Variants in PGR observed in about 807,000 individuals in gnomAD.
The protein encoded by PGR is nuclear receptor subfamily 3 group C member 3.
PGR carries 25 observed loss-of-function variants against 76.1 expected under a neutral mutation model. The ratio of observed to expected loss-of-function variants is 0.33; its 90% CI spans 0.24 to 0.46. The LOEUF is 0.46. Among genes scored for constraint, PGR ranks in the 20% least tolerant of loss-of-function variants. The probability of loss-of-function intolerance (pLI) is 1.00; values close to 1 mark genes in which losing one functional copy is unlikely to be tolerated. For synonymous variants in PGR, 579 were observed against 535.0 expected (o/e 1.08, Z -1.14); for missense variants, 1,172 against 1,225.3 (o/e 0.96, Z 0.65).
intron 2 of PGR, among the ~76,000 whole-genome samples, chr11:101,102,917 T>A (rs1276420024): frequency 1.3e-5 from 2 of 151,678 alleles, no homozygotes; most frequent in African/African-American, 4.8e-5. Context: ...CACTTCAGAT[T>A]ATCAGGCATT....
In PGR at chr11:101,127,793, C is replaced by T. The variant is rs745952256; in HGVS notation, c.1278G>A (p.Pro426=). The T allele has an allele frequency of 3.2e-5, 50 of 1,565,256 alleles. 2 individuals carry two copies. Among genetic ancestry groups the T allele is most frequent in the South Asian group, 2.8e-4 (24 of 87,040 alleles). The change falls in exon 1 of 8, where the codon CCG becomes CCA. Residue 426 remains proline (P), a synonymous_variant. Transcript: ENST00000325455. The part of the protein sequence containing the change: ...DFPLGPPPPL[P]PRATPSRPGE... ...CGGGTCTGGATGGGGTCGCTCGCGG[C>T]GGCAGCGGGGGCGGTGGCCCCAACG...
chr11:101,054,638 G>C (rs1860225968), intron 4 of PGR, among the ~76,000 whole-genome samples: 1 of 152,170 alleles, frequency 6.6e-6, no homozygotes, highest in Non-Finnish European at 1.5e-5. Flanking sequence ...AAATTGGAAG[G>C]CATTCAGGAC....
chr11:101,043,424 G>A (rs550156374), intron 6 of PGR, among the ~76,000 whole-genome samples: 1 of 152,128 alleles, frequency 6.6e-6, no homozygotes, highest in Non-Finnish European at 1.5e-5. Flanking sequence ...CTCCACTGAA[G>A]TTTTGAACAC....
At chr11:101,071,680 T>C (rs1456788910) in intron 3 of PGR, among the ~76,000 whole-genome samples, 2 of 151,616 alleles carry the variant, frequency 1.3e-5, no homozygotes, top group Non-Finnish European at 2.9e-5. Flanking sequence ...GTGTGAAGCA[T>C]ACACAAATAT....
At chr11:101,082,852 TG>T (rs751750224) in intron 3 of PGR, among the ~76,000 whole-genome samples, 6 of 152,118 alleles carry the variant, frequency 3.9e-5, no homozygotes, top group Non-Finnish European at 5.9e-5. Context: ...CCTGGCCATG[TG>T]GTAGAAAAGA....
intron 4 of PGR, among the ~76,000 whole-genome samples, chr11:101,054,986 G>A (rs1860235863): frequency 1.3e-5 from 2 of 151,936 alleles, no homozygotes; most frequent in African/African-American, 2.4e-5. Context: ...GAACATATAA[G>A]ATAGAACTGA....
In PGR at chr11:101,062,601, T is replaced by C; in HGVS notation, c.2058A>G (p.Pro686=). Residue 686 remains proline, a synonymous_variant, in exon 4 of 8, where the codon CCA becomes CCG. Coordinates refer to ENST00000325455, the MANE Select transcript of PGR (RefSeq NM_000926.4). ...CAATGCTCATTAACAGGTTGATCAG[T>C]GGTGGAATCAACTGTATGTCTTGAC... ...SPGQDIQLIP[P]LINLLMSIEP... 6.2e-7 allele frequency: 1 copy of C among 1,614,030 alleles called. No individual in the cohort carries two copies.
intron 2 of PGR, among the ~76,000 whole-genome samples, chr11:101,114,671 G>T (rs923588847): frequency 1.3e-5 from 2 of 151,748 alleles, no homozygotes; most frequent in African/African-American, 4.8e-5. Context: ...TCCTATTTCT[G>T]AAGGTGACGT....
At chr11:101,048,966 A>G (rs1859989811) in intron 6 of PGR, among the ~76,000 whole-genome samples, 1 of 151,926 alleles carries the variant, frequency 6.6e-6, no homozygotes, top group Non-Finnish European at 1.5e-5. Context: ...GCTGGACTTA[A>G]AACTCCTGGG....
intron 6 of PGR, among the ~76,000 whole-genome samples, chr11:101,044,342 C>A (rs776963166): frequency 6.6e-5 from 10 of 152,124 alleles, no homozygotes; most frequent in Non-Finnish European, 1.5e-4. Flanking sequence ...ATCTCTTTGC[C>A]TTCCTAGTAT....
intron 6 of PGR, among the ~76,000 whole-genome samples, chr11:101,043,838 A>T (rs533413520): frequency 1.3e-5 from 2 of 152,348 alleles, no homozygotes; most frequent in East Asian, 3.9e-4. Flanking sequence ...TAGTGGGTCA[A>T]AATATTCAGT....
intron 3 of PGR, among the ~76,000 whole-genome samples, chr11:101,072,595 G>A (rs1296007276): frequency 6.6e-6 from 1 of 152,142 alleles, no homozygotes; most frequent in African/African-American, 2.4e-5. Flanking sequence ...CTCACAGGCA[G>A]AGACACAATA....
At position 101,129,059 on chromosome 11, in the gene PGR, C is replaced by A. The variant is rs2135518841; in HGVS notation, c.12G>T (p.Leu4=). 3.2e-6 allele frequency: 5 copies of A among 1,550,788 alleles called. No homozygotes were observed. The highest frequency in any genetic ancestry group is 3.5e-6 in the Non-Finnish European group (4 of 1,147,858). The change falls in exon 1 of 8, where the codon CTG becomes CTT. Residue 4 remains leucine (L), a synonymous_variant. Transcript: ENST00000325455. ...GGGGAGCCCGGGGACCCTTTGCCTT[C>A]AGCTCAGTCATGACGACTGGACTCC... MTE[L]KAKGPRAPHV...
intron 4 of PGR, 112 bp from the exon 5 acceptor site, chr11:101,051,680 T>C (rs1860093777): frequency 3.9e-6 from 3 of 762,838 alleles, no homozygotes; most frequent in Non-Finnish European, 7.0e-6. Context: ...ATAAAATGTT[T>C]TCAATCCCAA....
Position 101,128,968 on chromosome 11 carries a change from G to A in PGR, c.103C>T (p.Pro35Ser). The A allele has an allele frequency of 6.2e-7, 1 of 1,604,306 alleles. No homozygotes were observed. Residue 35 changes from proline (P) to serine (S), a missense_variant, in exon 1 of 8, where the codon CCG becomes TCG. Physicochemically the swap from Pro to Ser is moderately conservative, Grantham distance 74. Around this residue, in one of 4 missense-constraint regions of PGR, gnomAD observed 893 missense variants for 785.9 expected, o/e 1.14. Transcript: ENST00000325455. ...TCCGAGGTCTGGCTCCCCGGGAACGGACCTGCGGCTGGGCGACACAGCAGT... is the reference window on the plus strand; with the variant it reads ...TCCGAGGTCTGGCTCCCCGGGAACGAACCTGCGGCTGGGCGACACAGCAGT... ...SPLLCRPAAGPFPGSQTSDTL... is the reference protein window; with the variant it reads ...SPLLCRPAAGSFPGSQTSDTL...
intron 6 of PGR, among the ~76,000 whole-genome samples, chr11:101,043,709 C>G (rs1305494269): frequency 1.3e-5 from 2 of 152,102 alleles, no homozygotes; most frequent in East Asian, 3.8e-4. Flanking sequence ...GTTGTGTTAG[C>G]AGAAATGAAA....
In PGR at chr11:101,128,878, G is replaced by A. The variant is rs765125484; in HGVS notation, c.193C>T (p.Gln65Ter). The A allele has an allele frequency of 1.2e-6, 2 of 1,614,096 alleles. No homozygotes were observed. The highest frequency in any genetic ancestry group is 1.1e-5 in the South Asian group (1 of 91,092). The change falls in exon 1 of 8, where the codon CAG (glutamine) becomes TAG (stop). Residue 65 changes from glutamine to a stop codon, truncating the protein, a stop_gained. Coordinates refer to ENST00000325455, the MANE Select transcript of PGR (RefSeq NM_000926.4). LOFTEE classifies it high-confidence loss of function. ...LDGLLFPRPC[Q>*]GQDPSDEKTQ... ...TTTTCGTCGGAGGGGTCCTGTCCCT[G>A]GCAGGGCCGAGGGAAGAGTAGCCCG...
At chr11:101,061,812 G>A (rs1315862253) in intron 4 of PGR, among the ~76,000 whole-genome samples, 1 of 152,078 alleles carries the variant, frequency 6.6e-6, no homozygotes, top group African/African-American at 2.4e-5. Flanking sequence ...TGTGCTGAGG[G>A]AGCAAAAATA....
At chr11:101,047,433 CT>C (rs1420574218) in intron 6 of PGR, among the ~76,000 whole-genome samples, 4 of 152,102 alleles carry the variant, frequency 2.6e-5, no homozygotes, top group African/African-American at 7.2e-5. Flanking sequence ...CGTAAATATC[CT>C]TTGTTCAATT....
Sources: allele counts gnomAD v4.1 joint callset (sites outside exome capture counted in the v4.1 genomes callset), GRCh38; gene constraint gnomAD v4.1.1; regional missense constraint gnomAD v4.1.1; transcripts MANE v1.5; gene names NCBI Gene and HGNC (gene_info 2026-07-23, HGNC 2026-07-21).